FASN: variants seen among roughly 807,000 people sequenced by gnomAD.
FASN encodes 3-hydroxyacyl-[acyl-carrier-protein] dehydratase.
Under a neutral mutation model 250.0 loss-of-function variants are expected in FASN, and 50 were observed. The ratio of observed to expected loss-of-function variants is 0.20; its 90% CI spans 0.16 to 0.25. The LOEUF is 0.25. FASN is among the 10% of genes least tolerant of loss of function. The pLI, the probability that FASN is intolerant of heterozygous loss-of-function variation, is 1.00. For synonymous variants in FASN, 1,909 were observed against 1,584.0 expected (o/e 1.21, Z -4.87); for missense variants, 3,031 against 3,498.5 (o/e 0.87, Z 3.37).
Position 82,080,859 on chromosome 17 carries a change from C to T in FASN, c.6659G>A (p.Arg2220His), listed in dbSNP as rs761888209. Reference protein sequence around the residue: ...LAQQQTQLNLRSLLVNPEGPT... With the variant: ...LAQQQTQLNLHSLLVNPEGPT... The stretch of plus-strand genomic sequence containing the variant: ...GCCCTCCGGGTTCACCAGCAGGGAG[C>T]GCAGGTTCAGCTGAGTCTGCTGCTG... Residue 2220 changes from arginine (R) to histidine (H), a missense_variant, in exon 39 of 43, where the codon CGC becomes CAC. Physicochemically the swap from Arg to His is conservative, Grantham distance 29 (BLOSUM62 0). Transcript: ENST00000306749. 3.7e-6 allele frequency: 6 copies of T among 1,611,262 alleles called. No individual in the cohort carries two copies. The highest frequency in any genetic ancestry group is 1.7e-5 in the Admixed American group (1 of 59,806).
rs149207665 is a variant in FASN, at chr17:82,093,743, T to C, written c.309A>G (p.Thr103=). ...GGINPDSLRG[T]HTGVWVGVSG... ...TCACGCCCACCCAGACGCCAGTGTG[T>C]GTTCCTCGGAGTGAATCTGGGTTGA... The change falls in exon 4 of 43, where the codon ACA becomes ACG. Residue 103 remains threonine, a synonymous_variant. Coordinates refer to ENST00000306749, the MANE Select transcript of FASN (RefSeq NM_004104.5). The C allele has an allele frequency of 8.7e-6, 14 of 1,612,546 alleles. No individual in the cohort carries two copies. Among genetic ancestry groups the C allele is most frequent in the Non-Finnish European group, 1.1e-5 (13 of 1,179,880 alleles).
At position 82,086,279 on chromosome 17, in the gene FASN, G is replaced by A. The variant is rs761085147; in HGVS notation, c.3707C>T (p.Pro1236Leu). 1 of 1,582,494 alleles carries A rather than the reference G, an allele frequency of 6.3e-7. No homozygotes were observed. Among genetic ancestry groups the A allele is most frequent in the East Asian group, 2.3e-5 (1 of 44,032 alleles). ...CTCCACCACCTTCATCTTCAGGCTG[G>A]GCATGTTCTCCACGGCAGTGTCCAG... ...ACLDTAVENM[P>L]SLKMKVVEVL... Residue 1236 changes from proline to leucine, a missense_variant, in exon 22 of 43, where the codon CCC becomes CTC. Transcript: ENST00000306749.
rs139792253 is a variant in FASN, at chr17:82,083,013, C to T, written c.5668G>A (p.Ala1890Thr). 198 of 1,612,866 alleles carry T rather than the reference C, an allele frequency of 1.2e-4. 1 individual carries two copies. Among genetic ancestry groups the T allele is most frequent in the Middle Eastern group, 1.6e-4 (1 of 6,084 alleles). Reference sequence around the variant, plus strand: ...AGGCCGAAGCCACCCAGACCACCAGCGATGATGTAGCTCTTGTGGGCCGGG... The same window carrying T: ...AGGCCGAAGCCACCCAGACCACCAGTGATGATGTAGCTCTTGTGGGCCGGG... ...FCPAHKSYII[A>T]GGLGGFGLEL... Residue 1890 changes from alanine to threonine, a missense_variant, in exon 33 of 43, where the codon GCT (alanine) becomes ACT (threonine). Transcript: ENST00000306749.
Position 82,087,407 on chromosome 17 carries a change from G to A in FASN, c.3141C>T (p.Tyr1047=), listed in dbSNP as rs199814547. Residue 1047 remains tyrosine, a synonymous_variant, in exon 20 of 43, where the codon TAC becomes TAT. Coordinates refer to ENST00000306749, the MANE Select transcript of FASN (RefSeq NM_004104.5). ...SILGSAKHGL[Y]LPTRVTAIHI... is the part of the protein sequence containing the mutation. The stretch of plus-strand genomic sequence containing the variant: ...GGATGGCGGTGACACGGGTGGGCAG[G>A]TACAGGCCGTGCTTGGCCGAGCCCA... The A allele has an allele frequency of 2.0e-5, 32 of 1,612,670 alleles. No individual in the cohort carries two copies. Among genetic ancestry groups the A allele is most frequent in the East Asian group, 1.1e-4 (5 of 44,890 alleles).
chr17:82,089,540 T>C (rs1215927675), intron 12 of FASN, 92 bp downstream of exon 12: 1 of 1,543,094 alleles, frequency 6.5e-7, no homozygotes, highest in Non-Finnish European at 8.8e-7. Flanking sequence ...CGTCAGAGCT[T>C]GGTGGGGCGT....
At chr17:82,097,965 ACCGAGACCCGGACAGG>A (rs1230378760) in intron 1 of FASN, among the ~76,000 whole-genome samples, 140 bp downstream of exon 1, 1 of 151,730 alleles carries the variant, frequency 6.6e-6, no homozygotes, top group Non-Finnish European at 1.5e-5. Context: ...GGGCACGAAC[ACCGAGACCCGGACAGG>A]CCGCCCAGGC....
intron 4 of FASN, 79 bp from the exon 5 acceptor site, chr17:82,093,498 G>C: frequency 4.4e-6 from 7 of 1,589,370 alleles, no homozygotes; most frequent in East Asian, 2.3e-5. Context: ...CACCAGGCTG[G>C]ACACACACTG....
chr17:82,080,501 C>A lies in FASN; in HGVS notation c.6916G>T (p.Gly2306Cys). The change falls in exon 40 of 43, where the codon GGC becomes TGC. Residue 2306 changes from glycine (G) to cysteine (C), a missense_variant. By Grantham distance (159) the Gly-to-Cys change is radical (BLOSUM62 -3). Coordinates refer to ENST00000306749, the MANE Select transcript of FASN (RefSeq NM_004104.5). The part of the protein sequence containing the change: ...VQPEGPYRVA[G>C]YSYGACVAFE... Reference sequence around the variant, plus strand: ...GCCACGCAGGCCCCGTAGGAGTAGCCGGCCACGCGGTAGGGGCCCTCGGGC... The same window carrying A: ...GCCACGCAGGCCCCGTAGGAGTAGCAGGCCACGCGGTAGGGGCCCTCGGGC... 1 of 1,565,336 alleles carries A rather than the reference C, an allele frequency of 6.4e-7. No individual in the cohort carries two copies. The highest frequency in any genetic ancestry group is 8.6e-7 in the Non-Finnish European group (1 of 1,156,158).
chr17:82,090,714 C>T, intron 10 of FASN, 150 bp from the exon 11 acceptor site: 1 of 1,042,288 alleles, frequency 9.6e-7, no homozygotes, highest in Admixed American at 2.0e-5. Flanking sequence ...GGCCCCCACA[C>T]AGCCCCACTG....
intron 40 of FASN, 34 bp from the exon 41 acceptor site, chr17:82,080,272 A>G: frequency 6.2e-7 from 1 of 1,612,184 alleles, no homozygotes; most frequent in Non-Finnish European, 8.5e-7. Flanking sequence ...AGCAGATGGA[A>G]GGGGCGGGGC....
In FASN at chr17:82,091,340, C is replaced by T. The variant is rs748235548; in HGVS notation, c.1374G>A (p.Ala458=). The change falls in exon 9 of 43, where the codon GCG becomes GCA. Residue 458 remains alanine (A), a synonymous_variant. Transcript: ENST00000306749. ...LAFLSMLNDI[A]AVPATAMPFR... ...AGGGCATGGCGGTGGCGGGGACAGC[C>T]GCGATGTCGTTCAGCATGCTCAGGA... 166 of 1,610,272 alleles carry T rather than the reference C, an allele frequency of 1.0e-4. No homozygotes were observed. The highest frequency in any genetic ancestry group is 5.0e-4 in the Admixed American group (30 of 59,826).
chr17:82,083,428 G>A lies in FASN; in HGVS notation c.5342-3C>T, dbSNP rs184716377. On this transcript the variant is annotated splice_region_variant and splice_polypyrimidine_tract_variant and intron_variant, in intron 31 of 42. Coordinates refer to ENST00000306749, the MANE Select transcript of FASN (RefSeq NM_004104.5). ...GTTCTTCAGGAAGATAGCCATGCCT[G>A]CGGGCAGGGGCCGTGCTCACCCAGG... The A allele has an allele frequency of 1.9e-5, 30 of 1,612,686 alleles. No individual in the cohort carries two copies. The East Asian group carries it at 6.7e-4, about 36-fold the overall frequency.
At chr17:82,079,810 C>T in intron 41 of FASN, 1 of 720,354 alleles carries the variant, frequency 1.4e-6, no homozygotes, top group Non-Finnish European at 2.2e-6. Flanking sequence ...CTCCACCTAC[C>T]CGGTTCAAGC....
chr17:82,096,138 T>C (rs546528823), intron 2 of FASN, among the ~76,000 whole-genome samples, 181 bp downstream of exon 2: 10 of 152,354 alleles, frequency 6.6e-5, no homozygotes, highest in Admixed American at 3.9e-4. Flanking sequence ...TCTGGTGCAA[T>C]GTCCAGGAAG....
In FASN at chr17:82,091,038, C is replaced by T; in HGVS notation, c.1524G>A (p.Leu508=). 6.2e-7 allele frequency: 1 copy of T among 1,612,676 alleles called. No individual in the cohort carries two copies. The highest frequency in any genetic ancestry group is 8.5e-7 in the Non-Finnish European group (1 of 1,179,984). ...GGAAGCGGTCCAGGCGCATGAGGCT[C>T]AGCCCCATCCCGCGCCACTGTGTGC... is the stretch of plus-strand genomic sequence containing the variant. ...GMGTQWRGMG[L]SLMRLDRFRD... is the part of the protein sequence containing the mutation. The change falls in exon 10 of 43, where the codon CTG becomes CTA. Residue 508 remains leucine, a synonymous_variant. Coordinates refer to ENST00000306749, the MANE Select transcript of FASN (RefSeq NM_004104.5).
At chr17:82,094,111 G>A (rs1555669487) in intron 3 of FASN, 6 of 419,884 alleles carry the variant, frequency 1.4e-5, no homozygotes, top group South Asian at 4.2e-5. Context: ...GTCCCCAGGC[G>A]ACGCCTTTGG....
rs115667350 is a variant in FASN, at chr17:82,079,843, G to A, written c.7147-235C>T. 1,759 of 647,002 alleles carry A rather than the reference G, an allele frequency of 2.7e-3. 23 individuals carry two copies. In the African/African-American group the frequency reaches 0.028, roughly 10 times the overall value. The allele number at this position is 647,002 out of a possible 1,614,324, so 40.1% of individuals were successfully genotyped here. On this transcript the variant is annotated intron_variant, in intron 41 of 42. Coordinates refer to ENST00000306749, the MANE Select transcript of FASN (RefSeq NM_004104.5). ...AGCGATTCTCCTCCCGAGTAGGTGG[G>A]ACTATAGGTGAGTGCCACCATGCCT... is the stretch of plus-strand genomic sequence containing the variant.
intron 11 of FASN, among the ~76,000 whole-genome samples, 181 bp downstream of exon 11, chr17:82,090,194 T>C (rs1164303212): frequency 6.6e-6 from 1 of 152,146 alleles, no homozygotes; most frequent in Admixed American, 6.5e-5. Flanking sequence ...GGCTGCCAGG[T>C]GTGGGGCCAG....
chr17:82,092,201 G>A (rs570103885), intron 8 of FASN, among the ~76,000 whole-genome samples: 15 of 152,278 alleles, frequency 9.9e-5, no homozygotes, highest in African/African-American at 3.1e-4. Flanking sequence ...CCTCCAGCTC[G>A]GCTCCGTGTC....
Sources: gnomAD v4.1 joint callset for allele counts (sites outside exome capture counted in the v4.1 genomes callset) on GRCh38, gnomAD v4.1.1 for gene constraint, MANE v1.5 for transcripts, NCBI Gene and HGNC (gene_info 2026-07-23, HGNC 2026-07-21) for gene names.